The following CLDN14 variants were observed in gnomAD, a reference collection of about 807,000 sequenced individuals.
CLDN14 encodes claudin-14.
Under a neutral mutation model 2.1 loss-of-function variants are expected in CLDN14, and 2 were observed. The ratio of observed to expected loss-of-function variants is 0.96; its 90% CI spans 0.39 to 3.01. The LOEUF is 3.01. Among genes scored for constraint, CLDN14 ranks in the 30% most tolerant of loss-of-function variants. CLDN14 has a pLI of 0.09. For synonymous variants in CLDN14, 136 were observed against 154.4 expected (o/e 0.88, Z 0.88); for missense variants, 298 against 328.0 (o/e 0.91, Z 0.71).
intron 2 of CLDN14, chr21:36,486,510 C>G (rs1277595957): frequency 3.2e-6 from 5 of 1,566,046 alleles, no homozygotes; most frequent in African/African-American, 1.4e-5. Flanking sequence ...GCACCGAGAC[C>G]CAGCATGGCA....
chr21:36,540,681 G>A (rs1028057969), intron 1 of CLDN14, among the ~76,000 whole-genome samples: 1 of 152,178 alleles, frequency 6.6e-6, no homozygotes, highest in Non-Finnish European at 1.5e-5. Flanking sequence ...AGGGCTCCAG[G>A]TGGAGACATC....
intron 1 of CLDN14, among the ~76,000 whole-genome samples, chr21:36,573,087 G>A (rs2087720140): frequency 2.0e-5 from 3 of 152,126 alleles, no homozygotes; most frequent in Non-Finnish European, 1.5e-5. Context: ...GGATCACGAG[G>A]TCAGGAGATC....
At chr21:36,530,747 G>A (rs2087373221) in intron 1 of CLDN14, among the ~76,000 whole-genome samples, 1 of 152,266 alleles carries the variant, frequency 6.6e-6, no homozygotes, top group African/African-American at 2.4e-5. Context: ...AAAAGTGGGA[G>A]GAGGTTGTGT....
intron 2 of CLDN14, among the ~76,000 whole-genome samples, chr21:36,494,913 C>T (rs1333209984): frequency 2.0e-5 from 3 of 152,198 alleles, no homozygotes; most frequent in Non-Finnish European, 4.4e-5. Context: ...CCTGTGCATC[C>T]CCGTAGACAT....
intron 2 of CLDN14, chr21:36,486,442 G>T: frequency 6.8e-7 from 1 of 1,470,750 alleles, no homozygotes. Context: ...ATAGAAACCC[G>T]AGGGCCAAGG....
chr21:36,488,295 C>T (rs1250233366), intron 2 of CLDN14, among the ~76,000 whole-genome samples: 1 of 119,642 alleles, frequency 8.4e-6, no homozygotes, highest in Non-Finnish European at 1.8e-5. Context: ...CTTTTTGAGA[C>T]AGAGTCTCAC....
At chr21:36,530,404 A>T (rs1479271038) in intron 1 of CLDN14, among the ~76,000 whole-genome samples, 1 of 152,242 alleles carries the variant, frequency 6.6e-6, no homozygotes, top group Admixed American at 6.5e-5. Flanking sequence ...CCTCACCTTC[A>T]TGCAGCACTT....
Position 36,555,862 on chromosome 21 carries a change from AGT to A in CLDN14, c.-220+20547_-220+20548del, listed in dbSNP as rs35050626. On this transcript the variant is annotated intron_variant, in intron 1 of 2. Transcript: ENST00000342108. The stretch of plus-strand genomic sequence containing the variant: ...GTGTGTGTGTGTGTGAGAGAGAGAG[AGT>A]GTGTGTGTGTGTGCACGCACAGCAT... 5.3e-3 allele frequency among the ~76,000 whole-genome samples: 761 copies of A among 142,900 alleles called. 4 individuals are homozygous for A. Among genetic ancestry groups the A allele is most frequent in the Non-Finnish European group, 7.1e-3 (467 of 66,174 alleles). The allele number at this position is 142,900 out of a possible 152,430, so 93.7% of individuals were successfully genotyped here.
chr21:36,469,388 A>C (rs2086683192), intron 1 of CLDN14, among the ~76,000 whole-genome samples: 1 of 152,110 alleles, frequency 6.6e-6, no homozygotes, highest in Non-Finnish European at 1.5e-5. Flanking sequence ...GACTTTCTAT[A>C]CCATCCGCAT....
chr21:36,539,382 G>A (rs908675213), intron 1 of CLDN14, among the ~76,000 whole-genome samples: 1 of 144,434 alleles, frequency 6.9e-6, no homozygotes, highest in African/African-American at 2.7e-5. Context: ...GTGAGTGTGT[G>A]TGGAGTGAGT....
At chr21:36,564,027 G>T (rs749015956) in intron 1 of CLDN14, among the ~76,000 whole-genome samples, 1 of 152,178 alleles carries the variant, frequency 6.6e-6, no homozygotes, top group Admixed American at 6.5e-5. Context: ...AAATCTGGCC[G>T]CCCTACTCCC....
rs1189893731 is a variant in CLDN14 at position 36,504,948 on chromosome 21, C to T, written c.-82+5415G>A. 3.3e-5 allele frequency among the ~76,000 whole-genome samples: 5 copies of T among 152,142 alleles called. No individual in the cohort carries two copies. In the East Asian group the frequency reaches 7.7e-4, roughly 23 times the overall value. ...TGGGTCCTGAGCTTGAAGCCAAGCC[C>T]AGTGTTAACCCTGGGCATTGACCCA... On this transcript the variant is annotated intron_variant, in intron 2 of 2. Transcript: ENST00000342108.
Position 36,485,452 on chromosome 21 carries a change from AC to A in CLDN14, c.-81-23677del, listed in dbSNP as rs537966196. 1.7e-3 allele frequency among the ~76,000 whole-genome samples: 254 copies of A among 151,928 alleles called. 1 individual carries two copies. The highest frequency in any genetic ancestry group is 2.9e-3 in the East Asian group (15 of 5,162). On this transcript the variant is annotated intron_variant, in intron 2 of 2. Coordinates refer to the CLDN14 transcript ENST00000342108. ...TTGAACTCCTGATCTCAAGTGATCC[AC>A]CCGCCTCAGCATCCCAAAGTGTTGA...
At chr21:36,517,402 A>C (rs2087236987) in intron 1 of CLDN14, among the ~76,000 whole-genome samples, 1 of 152,186 alleles carries the variant, frequency 6.6e-6, no homozygotes, top group African/African-American at 2.4e-5. Context: ...TGCATTAGAC[A>C]ATGACCATAT....
rs114669931 is a variant in CLDN14, at chr21:36,485,269, G to A, written c.-81-23493C>T. Among the ~76,000 whole-genome samples the A allele has an allele frequency of 7.6e-3, 1,124 of 148,426 alleles. 23 individuals are homozygous for A. Among genetic ancestry groups the A allele is most frequent in the African/African-American group, 0.023 (934 of 41,154 alleles). On this transcript the variant is annotated intron_variant, in intron 2 of 2. Coordinates refer to the CLDN14 transcript ENST00000342108. ...GTCACCTAGTCTGGAGTGCAGTGGCGTGATTTTTGGCTCACTGCACTCTTT... is the reference window on the plus strand; with the variant it reads ...GTCACCTAGTCTGGAGTGCAGTGGCATGATTTTTGGCTCACTGCACTCTTT...
At chr21:36,479,043 T>A (rs947781189) in intron 1 of CLDN14, among the ~76,000 whole-genome samples, 2 of 152,182 alleles carry the variant, frequency 1.3e-5, no homozygotes, top group African/African-American at 4.8e-5. Flanking sequence ...AGCAGGAGAA[T>A]GTTCCCAAGT....
At chr21:36,506,596 CAAAAA>C (rs113812093) in intron 2 of CLDN14, among the ~76,000 whole-genome samples, 3 of 105,536 alleles carry the variant, frequency 2.8e-5, no homozygotes, top group African/African-American at 5.8e-5. Context: ...GACTCTGTCT[CAAAAA>C]AAAAAAAAAA....
intron 1 of CLDN14, among the ~76,000 whole-genome samples, chr21:36,465,813 G>A (rs2835364): frequency 0.068 from 10,410 of 152,256 alleles, 402 homozygotes; most frequent in Non-Finnish European, 0.083. Flanking sequence ...AAACAAATAG[G>A]GTTCCAAGCA....
intron 1 of CLDN14, among the ~76,000 whole-genome samples, chr21:36,474,717 T>C (rs1341408509): frequency 6.6e-6 from 1 of 152,090 alleles, no homozygotes; most frequent in African/African-American, 2.4e-5. Flanking sequence ...GCTGTTGTTT[T>C]GAAGATGAGA....
Sources: gnomAD v4.1 joint callset for allele counts (sites outside exome capture counted in the v4.1 genomes callset) on GRCh38, gnomAD v4.1.1 for gene constraint, MANE v1.5 for transcripts, NCBI Gene and HGNC (gene_info 2026-07-23, HGNC 2026-07-21) for gene names.